SCN11A: variants seen among roughly 807,000 people sequenced by gnomAD.
SCN11A encodes sodium channel protein type 11 subunit alpha.
SCN11A carries 122 observed loss-of-function variants against 162.2 expected under a neutral mutation model. The ratio of observed to expected loss-of-function variants is 0.75; its 90% confidence interval spans 0.65 to 0.87. The LOEUF is 0.87. Ranked by LOEUF, SCN11A falls within the 40% of genes least tolerant of loss-of-function variation. The probability of loss-of-function intolerance (pLI) is 0.00; values close to 1 mark genes in which losing one functional copy is unlikely to be tolerated. For missense variants in SCN11A, 2,015 were observed against 2,181.6 expected, an observed-to-expected ratio of 0.92 and a Z score of 1.52; for synonymous variants, 758 against 751.5, an observed-to-expected ratio of 1.01 and a Z score of -0.14.
At chr3:39,041,585 A>G (rs1559583551) in intron 1 of SCN11A, among the ~76,000 whole-genome samples, 1 of 152,236 alleles carries the variant, frequency 6.6e-6, no homozygotes, top group Non-Finnish European at 1.5e-5. Context: ...ACTGCCAAGC[A>G]AGAATATCAA....
At chr3:39,041,358 T>C (rs1022732808) in intron 1 of SCN11A, among the ~76,000 whole-genome samples, 4 of 152,068 alleles carry the variant, frequency 2.6e-5, no homozygotes, top group Non-Finnish European at 5.9e-5. Context: ...AGCTAAAAAA[T>C]CTTCAAATAT....
intron 15 of SCN11A, 89 bp from the exon 16 acceptor site, chr3:38,904,192 C>A (rs930634169): frequency 1.3e-5 from 10 of 748,328 alleles, no homozygotes; most frequent in Non-Finnish European, 1.9e-5. Context: ...TCCCTCTTCC[C>A]CAGGGCCTCC....
At chr3:38,863,456 G>T (rs1201184888) in intron 27 of SCN11A, among the ~76,000 whole-genome samples, 157 bp from the exon 28 acceptor site, 1 of 151,956 alleles carries the variant, frequency 6.6e-6, no homozygotes, top group Non-Finnish European at 1.5e-5. Flanking sequence ...GCGAAATGCT[G>T]TAAAGAAACA....
intron 2 of SCN11A, among the ~76,000 whole-genome samples, chr3:38,994,841 C>T (rs77350692): frequency 0.011 from 1,751 of 152,272 alleles, 33 homozygotes; most frequent in African/African-American, 0.039. Context: ...GAGAGACTCA[C>T]ATGGCCAGCA....
chr3:38,949,359 A>G (rs2066565912), intron 5 of SCN11A, among the ~76,000 whole-genome samples: 2 of 152,226 alleles, frequency 1.3e-5, no homozygotes, highest in African/African-American at 4.8e-5. Flanking sequence ...AGAAACCTTT[A>G]CTAGAATTTC....
At chr3:38,961,483 TG>T (rs2066740427) in intron 2 of SCN11A, among the ~76,000 whole-genome samples, 2 of 152,298 alleles carry the variant, frequency 1.3e-5, no homozygotes, top group South Asian at 4.1e-4. Flanking sequence ...TGGCCTGGCA[TG>T]GAGCATATGG....
At chr3:38,849,536 C>T (rs1006266156) in intron 29 of SCN11A, 4 of 151,992 alleles carry the variant, frequency 2.6e-5, no homozygotes, top group East Asian at 1.9e-4. Context: ...TTTCTGAGAT[C>T]GCAAAAAAGC....
intron 15 of SCN11A, 125 bp downstream of exon 15, chr3:38,905,067 G>A: frequency 8.2e-7 from 1 of 1,219,466 alleles, no homozygotes; most frequent in African/African-American, 1.5e-5. Context: ...CTCTTTGCAG[G>A]ATGGTACAGT....
chr3:39,023,005 GATA>G (rs2031491871), intron 2 of SCN11A, among the ~76,000 whole-genome samples: 1 of 152,258 alleles, frequency 6.6e-6, no homozygotes, highest in African/African-American at 2.4e-5. Flanking sequence ...TTTTAAGTGT[GATA>G]ATGATATTAT....
intron 2 of SCN11A, among the ~76,000 whole-genome samples, chr3:39,027,173 G>A (rs564115795): frequency 6.6e-6 from 1 of 152,266 alleles, no homozygotes; most frequent in South Asian, 2.1e-4. Context: ...AAGATGGGTA[G>A]AATGAGGGAC....
chr3:38,896,830 A>ATTTAAGACACATACCACAAGTT lies in SCN11A; in HGVS notation c.2403+14_2403+15insAACTTGTGGTATGTGTCTTAAA. 1 of 1,481,588 alleles carries ATTTAAGACACATACCACAAGTT rather than the reference A, an allele frequency of 6.7e-7. No homozygotes were observed. 91.8% of individuals were successfully genotyped at this position (1,481,588 alleles called of 1,614,324 possible). A position where few individuals can be genotyped will look rare whatever the true frequency, so the allele number is the denominator to read the frequency against. ...GATCTTTTTTTTTTTTTTGAAAAAAATCTAAGACACATACCACAAGTTTTC... is the reference window on the plus strand; with the variant it reads ...GATCTTTTTTTTTTTTTTGAAAAAAATTTAAGACACATACCACAAGTTTCTAAGACACATACCACAAGTTTTC... On this transcript the variant is annotated intron_variant, in intron 18 of 29. Transcript: ENST00000302328.
intron 2 of SCN11A, among the ~76,000 whole-genome samples, chr3:39,006,691 C>T (rs2030989447): frequency 6.6e-6 from 1 of 152,078 alleles, no homozygotes; most frequent in Admixed American, 6.6e-5. Flanking sequence ...ATCCCTAGGA[C>T]TTTAGGAGGC....
chr3:39,003,208 G>A (rs1374040483), intron 2 of SCN11A, among the ~76,000 whole-genome samples: 1 of 152,030 alleles, frequency 6.6e-6, no homozygotes, highest in Non-Finnish European at 1.5e-5. Context: ...AGACCCCCGT[G>A]TCTATTGTTT....
rs1193704215 is a variant in SCN11A at position 38,847,422 on chromosome 3, A to G, written c.4648T>C (p.Ser1550Pro). 6.2e-7 allele frequency: 1 copy of G among 1,614,196 alleles called. No homozygotes were observed. Among genetic ancestry groups the G allele is most frequent in the Admixed American group, 1.7e-5 (1 of 60,028 alleles). ...CTGAGCAGGGAATCCCAACCTGCTGATGTGCTTATCTGGAAGAGACAGAGC... is the reference window on the plus strand; with the variant it reads ...CTGAGCAGGGAATCCCAACCTGCTGGTGTGCTTATCTGGAAGAGACAGAGC... ...SMLCLFQIST[S>P]AGWDSLLSPM... is the part of the protein sequence containing the mutation. The change falls in exon 30 of 30, where the codon TCA (serine) becomes CCA (proline). Residue 1550 changes from serine (S) to proline (P), a missense_variant. Physicochemically the swap from Ser to Pro is moderately conservative, Grantham distance 74. Coordinates refer to ENST00000302328, the MANE Select transcript of SCN11A (RefSeq NM_001349253.2).
At chr3:39,049,441 G>A (rs1459334724) in intron 1 of SCN11A, among the ~76,000 whole-genome samples, 2 of 152,262 alleles carry the variant, frequency 1.3e-5, no homozygotes. Context: ...CGGAAGTACA[G>A]TGAGCAGGGA....
At chr3:38,869,523 G>C (rs1317478242) in intron 26 of SCN11A, among the ~76,000 whole-genome samples, 1 of 151,894 alleles carries the variant, frequency 6.6e-6, no homozygotes, top group Non-Finnish European at 1.5e-5. Flanking sequence ...TGACTTTATT[G>C]ACACACCCAG....
intron 7 of SCN11A, among the ~76,000 whole-genome samples, chr3:38,942,224 AAGAG>A (rs931623066): frequency 2.6e-5 from 4 of 152,188 alleles, no homozygotes; most frequent in Non-Finnish European, 5.9e-5. Context: ...ATTTGACAAA[AAGAG>A]AGAAAGAACA....
Position 38,995,819 on chromosome 3 carries a change from G to GTCTGTCTATCTATCTATCTA in SCN11A, c.-279-35397_-279-35396insTAGATAGATAGATAGACAGA, listed in dbSNP as rs1553648593. On this transcript the variant is annotated intron_variant, in intron 2 of 29. Coordinates refer to ENST00000302328, the MANE Select transcript of SCN11A (RefSeq NM_001349253.2). ...AAATTGTCTATCTATCTATCTATCT[G>GTCTGTCTATCTATCTATCTA]TCTATCTATCTATCTATCTATCTAT... Among the ~76,000 whole-genome samples, 414 of 141,748 alleles carry GTCTGTCTATCTATCTATCTA rather than the reference G, an allele frequency of 2.9e-3. 1 individual carries two copies. The highest frequency in any genetic ancestry group is 9.8e-3 in the African/African-American group (374 of 38,124). The allele number at this position is 141,748 out of a possible 152,430, so 93.0% of individuals were successfully genotyped here. A position where few individuals can be genotyped will look rare whatever the true frequency, so the allele number is the denominator to read the frequency against.
intron 2 of SCN11A, among the ~76,000 whole-genome samples, chr3:38,963,265 T>C (rs969077268): frequency 3.4e-5 from 5 of 148,614 alleles, no homozygotes; most frequent in African/African-American, 4.9e-5. Flanking sequence ...ATGTTTGTAG[T>C]AGCACAATTC....
Sources: gnomAD v4.1 joint callset for allele counts (sites outside exome capture counted in the v4.1 genomes callset) on GRCh38, gnomAD v4.1.1 for gene constraint, MANE v1.5 for transcripts, NCBI Gene and HGNC (gene_info 2026-07-23, HGNC 2026-07-21) for gene names.